The following LAMA2 variants were observed in gnomAD, a reference collection of about 807,000 sequenced individuals.
LAMA2 encodes the protein laminin subunit alpha-2.
Under a neutral mutation model 364.8 loss-of-function variants are expected in LAMA2, and 269 were observed. The ratio of observed to expected loss-of-function variants is 0.74; its 90% CI spans 0.67 to 0.82. The LOEUF is 0.82. Among genes scored for constraint, LAMA2 ranks in the 40% least tolerant of loss-of-function variants. The pLI is 0.00. For synonymous variants in LAMA2, 1,379 were observed against 1,370.6 expected, an observed-to-expected ratio of 1.01 and a Z score of -0.14; for missense variants, 3,807 against 3,873.2, an observed-to-expected ratio of 0.98 and a Z score of 0.45.
intron 1 of LAMA2, among the ~76,000 whole-genome samples, chr6:129,032,594 G>T (rs1255669304): frequency 6.6e-6 from 1 of 152,144 alleles, no homozygotes; most frequent in East Asian, 1.9e-4. Flanking sequence ...GTACAATTAT[G>T]ATCTATTTTT....
chr6:129,167,513 A>G (rs1779835964), intron 9 of LAMA2, among the ~76,000 whole-genome samples: 1 of 151,992 alleles, frequency 6.6e-6, no homozygotes, highest in Admixed American at 6.6e-5. Flanking sequence ...ATGGCTGCAT[A>G]GTATTCCATG....
rs943358624 is a variant in LAMA2, at chr6:129,487,485, T to C, written c.7898+863T>C. ...CAATCCATTTATCAGACTGAAGACA[T>C]AGAAAAGAACTGGAAATCCAATTTG... On this transcript the variant is annotated intron_variant, in intron 56 of 64. Transcript: ENST00000421865. Among the ~76,000 whole-genome samples, 8 of 152,150 alleles carry C rather than the reference T, an allele frequency of 5.3e-5. No homozygotes were observed. The South Asian group carries it at 1.5e-3, about 28-fold the overall frequency.
chr6:129,270,291 A>G (rs1003996653), intron 16 of LAMA2, among the ~76,000 whole-genome samples: 2 of 151,250 alleles, frequency 1.3e-5, no homozygotes, highest in Admixed American at 6.6e-5. Context: ...ACACACACAC[A>G]CACACACACA....
intron 1 of LAMA2, among the ~76,000 whole-genome samples, chr6:128,974,337 A>G (rs1228204325): frequency 1.3e-5 from 2 of 152,202 alleles, no homozygotes; most frequent in Non-Finnish European, 1.5e-5. Context: ...ACATGCCTCC[A>G]TGACTCGTGA....
chr6:129,207,952 A>G (rs1782792777), intron 12 of LAMA2, among the ~76,000 whole-genome samples: 1 of 152,186 alleles, frequency 6.6e-6, no homozygotes, highest in African/African-American at 2.4e-5. Flanking sequence ...CTTGAGTGAG[A>G]GGGAACTGGT....
intron 33 of LAMA2, 80 bp downstream of exon 33, chr6:129,366,441 A>G: frequency 6.7e-7 from 1 of 1,491,398 alleles, no homozygotes; most frequent in Non-Finnish European, 9.2e-7. Context: ...TAATTGGTAA[A>G]TGTTCTTCCC....
intron 1 of LAMA2, among the ~76,000 whole-genome samples, chr6:128,896,447 T>C (rs1041226397): frequency 2.0e-5 from 3 of 151,872 alleles, no homozygotes; most frequent in Admixed American, 6.6e-5. Context: ...CCAGTAACAC[T>C]GAAAGAGTTA....
intron 1 of LAMA2, among the ~76,000 whole-genome samples, chr6:128,963,369 T>C (rs997104562): frequency 7.2e-5 from 11 of 152,130 alleles, no homozygotes; most frequent in Non-Finnish European, 1.0e-4. Context: ...AATGCTGGGG[T>C]AATATGGACT....
chr6:129,202,770 C>T (rs984219509), intron 12 of LAMA2, among the ~76,000 whole-genome samples: 1 of 151,928 alleles, frequency 6.6e-6, no homozygotes, highest in African/African-American at 2.4e-5. Flanking sequence ...AAATGTCTTC[C>T]AAAACTGAAG....
intron 36 of LAMA2, among the ~76,000 whole-genome samples, chr6:129,392,397 T>G: frequency 6.6e-6 from 1 of 152,152 alleles, no homozygotes; most frequent in Middle Eastern, 3.2e-3. Flanking sequence ...AATCAGAAAC[T>G]TTGGGGATGG....
intron 45 of LAMA2, among the ~76,000 whole-genome samples, chr6:129,450,963 G>C (rs1782646636): frequency 6.6e-6 from 1 of 152,138 alleles, no homozygotes; most frequent in South Asian, 2.1e-4. Flanking sequence ...TCAGCAGCTT[G>C]CTAAAAAATC....
intron 25 of LAMA2, 50 bp from the exon 26 acceptor site, chr6:129,315,712 C>T (rs913865553): frequency 6.2e-7 from 1 of 1,610,748 alleles, no homozygotes; most frequent in East Asian, 2.2e-5. Flanking sequence ...TTTAGAATCA[C>T]ACCATTTGGA....
intron 56 of LAMA2, 64 bp from the exon 57 acceptor site, chr6:129,491,837 T>C (rs569432959): frequency 1.0e-5 from 14 of 1,345,100 alleles, no homozygotes; most frequent in Non-Finnish European, 1.4e-5. Flanking sequence ...CAGGAAAGAA[T>C]TTGATTTCCA....
At chr6:129,465,694 G>C (rs1477719389) in intron 51 of LAMA2, among the ~76,000 whole-genome samples, 1 of 151,860 alleles carries the variant, frequency 6.6e-6, no homozygotes, top group African/African-American at 2.4e-5. Context: ...CATTTAAATT[G>C]CCAAACATTT....
intron 1 of LAMA2, among the ~76,000 whole-genome samples, chr6:129,020,822 G>A (rs746187178): frequency 3.3e-5 from 5 of 152,074 alleles, no homozygotes; most frequent in Non-Finnish European, 7.4e-5. Flanking sequence ...GCGAGAGATG[G>A]GAGTGGAAGG....
chr6:129,342,487 C>A lies in LAMA2; in HGVS notation c.4436+20C>A, dbSNP rs1481281897. The A allele has an allele frequency of 6.2e-7, 1 of 1,609,460 alleles. No homozygotes were observed. On this transcript the variant is annotated intron_variant, in intron 30 of 64. Transcript: ENST00000421865. Reference sequence around the variant, plus strand: ...TAACAAGTAAGATTGAGAAATATAACCATATTTCCCAATCAGAAACGCCAT... The same window carrying A: ...TAACAAGTAAGATTGAGAAATATAAACATATTTCCCAATCAGAAACGCCAT...
rs202051106 is a variant in LAMA2 at position 129,238,172 on chromosome 6, C to CA, written c.1783-11927dup. 3.1e-3 allele frequency among the ~76,000 whole-genome samples: 374 copies of CA among 119,090 alleles called. 1 individual carries two copies. The highest frequency in any genetic ancestry group is 6.0e-3 in the East Asian group (26 of 4,356). 78.1% of individuals were successfully genotyped at this position (119,090 alleles called of 152,430 possible). ...TGGGCAACAGAGCAAGACTCCATCTCAAAAAAAAAAAAAGGAAGAGAGACA... is the reference window on the plus strand; with the variant it reads ...TGGGCAACAGAGCAAGACTCCATCTCAAAAAAAAAAAAAAGGAAGAGAGACA... On this transcript the variant is annotated intron_variant, in intron 12 of 64. Transcript: ENST00000421865.
chr6:129,229,968 G>A (rs2115126308), intron 12 of LAMA2, among the ~76,000 whole-genome samples: 1 of 152,246 alleles, frequency 6.6e-6, no homozygotes, highest in Middle Eastern at 3.4e-3. Context: ...ATACAAGTCT[G>A]AAGTTCATTG....
chr6:128,947,155 G>A (rs1300320824), intron 1 of LAMA2, among the ~76,000 whole-genome samples: 1 of 152,194 alleles, frequency 6.6e-6, no homozygotes, highest in Admixed American at 6.5e-5. Context: ...TGGTATGCCA[G>A]GGGTGAGGAT....
Sources: allele counts gnomAD v4.1 joint callset (sites outside exome capture counted in the v4.1 genomes callset), GRCh38; gene constraint gnomAD v4.1.1; transcripts MANE v1.5; gene names NCBI Gene and HGNC (gene_info 2026-07-23, HGNC 2026-07-21).